TMPRSS2: variants seen among roughly 807,000 people sequenced by gnomAD.
TMPRSS2 encodes the protein transmembrane protease serine 2.
Under a neutral mutation model 67.4 loss-of-function variants are expected in TMPRSS2, and 59 were observed. The observed-to-expected ratio is 0.88, with a 90% CI of 0.71 to 1.09. TMPRSS2 has a LOEUF of 1.09. TMPRSS2 is among the 50% of genes least tolerant of loss of function. The pLI is 0.00. For synonymous variants in TMPRSS2, 257 were observed against 257.0 expected (o/e 1.00, Z 0.00); for missense variants, 668 against 642.7 (o/e 1.04, Z -0.43).
chr21:41,492,286 A>G (rs2091343861), intron 3 of TMPRSS2, among the ~76,000 whole-genome samples: 1 of 152,216 alleles, frequency 6.6e-6, no homozygotes, highest in Non-Finnish European at 1.5e-5. Flanking sequence ...AAGGTTGTCA[A>G]CTCAGCCTCA....
chr21:41,494,834 G>C (rs986007552), intron 2 of TMPRSS2: 2 of 464,256 alleles, frequency 4.3e-6, no homozygotes, highest in African/African-American at 4.0e-5. Context: ...ACTTTGGGAG[G>C]CCGAGGCGGG....
rs56730161 is a variant in TMPRSS2 at position 41,490,146 on chromosome 21, CAA to C, written c.239-555_239-554del. On this transcript the variant is annotated intron_variant, in intron 3 of 13. Transcript: ENST00000332149. ...CTGGGCGACAGAGCAAAAACTCTGT[CAA>C]AAAAAAAAAAAAAGATAGTATGCTA... 4.7e-4 allele frequency among the ~76,000 whole-genome samples: 45 copies of C among 95,140 alleles called. No individual in the cohort carries two copies. The South Asian group carries it at 8.3e-3, about 18-fold the overall frequency. The allele number at this position is 95,140 out of a possible 152,430, so 62.4% of individuals were successfully genotyped here.
intron 8 of TMPRSS2, among the ~76,000 whole-genome samples, chr21:41,473,924 G>GGAGT (rs559550182): frequency 6.8e-4 from 63 of 92,362 alleles, no homozygotes; most frequent in African/African-American, 2.6e-3. Context: ...GGTGAGTGAG[G>GGAGT]GAGTGAGTGA....
At chr21:41,480,367 T>C (rs1304965429) in intron 6 of TMPRSS2, 109 bp downstream of exon 6, 7 of 1,513,670 alleles carry the variant, frequency 4.6e-6, no homozygotes, top group South Asian at 2.6e-5. Flanking sequence ...AAGGTGACAA[T>C]TGTCCCCAGC....
intron 4 of TMPRSS2, among the ~76,000 whole-genome samples, chr21:41,489,087 C>T (rs1029538587): frequency 6.6e-5 from 10 of 152,196 alleles, no homozygotes; most frequent in Admixed American, 6.5e-4. Flanking sequence ...GTCCTCTCTG[C>T]CACACAGGTA....
At chr21:41,471,492 G>C (rs377410798) in intron 10 of TMPRSS2, among the ~76,000 whole-genome samples, 74 of 147,544 alleles carry the variant, frequency 5.0e-4, no homozygotes, top group African/African-American at 1.8e-3. Context: ...CAAGGCACAA[G>C]AGAGCCCTAC....
At chr21:41,507,332 G>A (rs1160160133) in intron 1 of TMPRSS2, among the ~76,000 whole-genome samples, 1 of 152,090 alleles carries the variant, frequency 6.6e-6, no homozygotes, top group African/African-American at 2.4e-5. Flanking sequence ...GAGCGCAAGC[G>A]GAGGAGCCAG....
intron 7 of TMPRSS2, among the ~76,000 whole-genome samples, chr21:41,477,196 C>A (rs1286477243): frequency 6.6e-6 from 1 of 152,168 alleles, no homozygotes; most frequent in Non-Finnish European, 1.5e-5. Flanking sequence ...GCATGCAGAG[C>A]TGGCCCGCCC....
intron 1 of TMPRSS2, among the ~76,000 whole-genome samples, chr21:41,499,174 T>C (rs2091406686): frequency 6.6e-6 from 1 of 152,106 alleles, no homozygotes; most frequent in South Asian, 2.1e-4. Context: ...AGAAAGAAAT[T>C]CAGAGCCAAC....
intron 3 of TMPRSS2, among the ~76,000 whole-genome samples, chr21:41,490,489 G>A (rs192259532): frequency 1.3e-5 from 2 of 152,254 alleles, no homozygotes; most frequent in African/African-American, 2.4e-5. Flanking sequence ...AGACAGTGCA[G>A]CTGTAGAACC....
rs781290787 is a variant in TMPRSS2 at position 41,471,908 on chromosome 21, C to T, written c.973G>A (p.Gly325Arg). The change falls in exon 10 of 14, where the codon GGA (glycine) becomes AGA (arginine). Residue 325 changes from glycine to arginine, a missense_variant. Coordinates refer to ENST00000332149, the MANE Select transcript of TMPRSS2 (RefSeq NM_005656.4). ...GAAATCACTTTTTCTACTTGGTATC[C>T]GGCTCCATAGAACATGAAAGATTGT... ...LRQSFMFYGA[G>R]YQVEKVISHP... 6.8e-6 allele frequency: 11 copies of T among 1,613,296 alleles called. No individual in the cohort carries two copies. Among genetic ancestry groups the T allele is most frequent in the South Asian group, 1.1e-5 (1 of 91,072 alleles).
At chr21:41,473,295 C>G (rs760485741) in intron 9 of TMPRSS2, 30 bp downstream of exon 9, 85 of 1,549,556 alleles carry the variant, frequency 5.5e-5, no homozygotes, top group Non-Finnish European at 7.0e-5. Flanking sequence ...GCCCTGAGCC[C>G]CCACCCGGCC....
chr21:41,482,676 C>T (rs2091265135), intron 5 of TMPRSS2, among the ~76,000 whole-genome samples: 1 of 152,164 alleles, frequency 6.6e-6, no homozygotes, highest in African/African-American at 2.4e-5. Flanking sequence ...GATTCCACAT[C>T]CTATCTGTGA....
At chr21:41,498,025 G>C in intron 2 of TMPRSS2, 94 bp downstream of exon 2, 1 of 946,950 alleles carries the variant, frequency 1.1e-6, no homozygotes, top group Non-Finnish European at 1.7e-6. Flanking sequence ...CCTACAAATA[G>C]CCCTTGCAAT....
rs564498070 is a variant in TMPRSS2, at chr21:41,467,368, G to A, written c.1467+366C>T. On this transcript the variant is annotated intron_variant, in intron 13 of 13. Transcript: ENST00000332149. ...TGTGCCACTGCACTCCAGCCTGGGCGACACAGTGAGACTCCATCTCAAAAA... is the reference window on the plus strand; with the variant it reads ...TGTGCCACTGCACTCCAGCCTGGGCAACACAGTGAGACTCCATCTCAAAAA... Among the ~76,000 whole-genome samples, 6 of 148,776 alleles carry A rather than the reference G, an allele frequency of 4.0e-5. No individual in the cohort carries two copies. In the South Asian group the frequency reaches 8.5e-4, roughly 21 times the overall value.
chr21:41,491,269 A>T (rs1021330159), intron 3 of TMPRSS2, among the ~76,000 whole-genome samples: 1 of 143,406 alleles, frequency 7.0e-6, no homozygotes, highest in Non-Finnish European at 1.5e-5. Flanking sequence ...CCATCTTTCC[A>T]CTTCAACCTC....
chr21:41,467,825 G>A lies in TMPRSS2; in HGVS notation c.1376C>T (p.Thr459Ile), dbSNP rs145171279. 1 of 1,614,230 alleles carries A rather than the reference G, an allele frequency of 6.2e-7. No individual in the cohort carries two copies. The highest frequency in any genetic ancestry group is 2.2e-5 in the East Asian group (1 of 44,892). ...TTTGGCACAGCCAGAACCCCAGCTT[G>A]TATCCCCTATCAGCCACCAGATATT... is the stretch of plus-strand genomic sequence containing the variant. The part of the protein sequence containing the change: ...KNNIWWLIGD[T>I]SWGSGCAKAY... The change falls in exon 13 of 14, where the codon ACA becomes ATA. Residue 459 changes from threonine (T) to isoleucine (I), a missense_variant. By Grantham distance (89) the Thr-to-Ile change is moderately conservative. Coordinates refer to ENST00000332149, the MANE Select transcript of TMPRSS2 (RefSeq NM_005656.4).
At chr21:41,490,550 G>T (rs910913670) in intron 3 of TMPRSS2, among the ~76,000 whole-genome samples, 1 of 152,188 alleles carries the variant, frequency 6.6e-6, no homozygotes, top group African/African-American at 2.4e-5. Flanking sequence ...CAGGCCTTTT[G>T]GTCCAAGTGC....
rs1247555084 is a variant in TMPRSS2 at position 41,488,640 on chromosome 21, G to A, written c.326-127C>T. The A allele has an allele frequency of 6.3e-6, 7 of 1,114,666 alleles. No individual in the cohort carries two copies. The East Asian group carries it at 1.6e-4, about 25-fold the overall frequency. 69.0% of individuals were successfully genotyped at this position (1,114,666 alleles called of 1,614,324 possible). A position where few individuals can be genotyped will look rare whatever the true frequency, so the allele number is the denominator to read the frequency against. On this transcript the variant is annotated intron_variant, in intron 4 of 13. Coordinates refer to ENST00000332149, the MANE Select transcript of TMPRSS2 (RefSeq NM_005656.4). Reference sequence around the variant, plus strand: ...CCAACTCCTGGCCCCACTGTGTTTTGTTTTGTTTTGTTTTTGAGATGAAGT... The same window carrying A: ...CCAACTCCTGGCCCCACTGTGTTTTATTTTGTTTTGTTTTTGAGATGAAGT...
Sources: gnomAD v4.1 joint callset for allele counts (sites outside exome capture counted in the v4.1 genomes callset) on GRCh38, gnomAD v4.1.1 for gene constraint, MANE v1.5 for transcripts, NCBI Gene and HGNC (gene_info 2026-07-23, HGNC 2026-07-21) for gene names.